The following GALK2 variants were observed in gnomAD, a reference collection of about 807,000 sequenced individuals.
The protein encoded by GALK2 is N-acetylgalactosamine kinase.
In GALK2, 36 loss-of-function variants were observed where a neutral mutation model predicts 52.4. The ratio of observed to expected loss-of-function variants is 0.69; its 90% CI spans 0.53 to 0.91. The LOEUF is 0.91. GALK2 is among the 40% of genes least tolerant of loss of function. The probability of loss-of-function intolerance (pLI) is 0.00; values close to 1 mark genes in which losing one functional copy is unlikely to be tolerated. For synonymous variants in GALK2, 176 were observed against 199.1 expected, an observed-to-expected ratio of 0.88 and a Z score of 0.98; for missense variants, 579 against 559.1, an observed-to-expected ratio of 1.04 and a Z score of -0.36.
chr15:49,210,793 C>T (rs1027827243), intron 2 of GALK2, among the ~76,000 whole-genome samples: 2 of 152,056 alleles, frequency 1.3e-5, no homozygotes, highest in Admixed American at 1.3e-4. Flanking sequence ...GTTGCCCAGG[C>T]TGGAGTGTAG....
rs747851240 is a variant in GALK2, at chr15:49,328,612, GTGATGA to G, written c.*466_*471del. 2.4e-5 allele frequency: 38 copies of G among 1,590,822 alleles called. No homozygotes were observed. The highest frequency in any genetic ancestry group is 2.1e-4 in the Admixed American group (12 of 56,920). ...AAGTTGTAGTTGTCTGTTGATGATG[GTGATGA>G]TGATGATGATGACGATAGTGATGCC... On this transcript the variant is annotated 3_prime_UTR_variant, in exon 10 of 10. Transcript: ENST00000560031.
At chr15:49,365,459 C>A in intron 3 of GALK2, 1 of 896,176 alleles carries the variant, frequency 1.1e-6, no homozygotes, top group Admixed American at 1.7e-5. Flanking sequence ...TCTCCAAAGC[C>A]CAATATTGAA....
intron 3 of GALK2, among the ~76,000 whole-genome samples, chr15:49,353,075 T>A (rs1004717852): frequency 2.0e-5 from 3 of 152,144 alleles, no homozygotes; most frequent in African/African-American, 7.2e-5. Context: ...CTATGGTGAG[T>A]TGATGAAATG....
At chr15:49,210,957 TCA>T (rs764698505) in intron 2 of GALK2, among the ~76,000 whole-genome samples, 3 of 112,810 alleles carry the variant, frequency 2.7e-5, no homozygotes, top group Admixed American at 1.0e-4. Flanking sequence ...ATGTTGGCTG[TCA>T]CACACACACA....
chr15:49,207,204 A>G (rs1184412241), intron 2 of GALK2, among the ~76,000 whole-genome samples: 1 of 152,176 alleles, frequency 6.6e-6, no homozygotes, highest in African/African-American at 2.4e-5. Context: ...ATCATGGTAG[A>G]TTAACTTTTT....
In GALK2 at chr15:49,328,177, G is replaced by C. The variant is rs760074206; in HGVS notation, c.*18G>C. 1 of 1,605,266 alleles carries C rather than the reference G, an allele frequency of 6.2e-7. No individual in the cohort carries two copies. Among genetic ancestry groups the C allele is most frequent in the South Asian group, 1.1e-5 (1 of 89,918 alleles). ...AGGCCTGAAAAAATGTAAAAAGTCT[G>C]AGAGAAACTACTTAGGGCACTTAGG... On this transcript the variant is annotated 3_prime_UTR_variant, in exon 10 of 10. Coordinates refer to ENST00000560031, the MANE Select transcript of GALK2 (RefSeq NM_002044.4).
chr15:49,262,819 A>G (rs1474269446), intron 5 of GALK2, among the ~76,000 whole-genome samples: 3 of 147,098 alleles, frequency 2.0e-5, no homozygotes, highest in Non-Finnish European at 3.0e-5. Flanking sequence ...CCTTCATTTC[A>G]TTATGTACCC....
At chr15:49,307,361 G>A (rs920704863) in intron 8 of GALK2, among the ~76,000 whole-genome samples, 11 of 152,134 alleles carry the variant, frequency 7.2e-5, no homozygotes, top group Admixed American at 2.0e-4. Flanking sequence ...GGAAAAATAC[G>A]CTAGATTTCG....
At chr15:49,353,213 T>C (rs6493364) in intron 3 of GALK2, among the ~76,000 whole-genome samples, 42,250 of 152,078 alleles carry the variant, frequency 0.28, 6,398 homozygotes, top group East Asian at 0.43. Context: ...ATCTGCTTAA[T>C]ATGAATGGAG....
At position 49,361,590 on chromosome 15, in the gene GALK2, T is replaced by C. The variant is rs142010637; in HGVS notation, c.427-5901T>C. On this transcript the variant is annotated intron_variant, in intron 3 of 3. Transcript: ENST00000558399. ...AAGGACATGATCTTGTTAGTTTTTA[T>C]GGCTGCACAGTATTCCCTGGTGTAT... Among the ~76,000 whole-genome samples, 1,220 of 152,318 alleles carry C rather than the reference T, an allele frequency of 8.0e-3. 15 individuals carry two copies. The highest frequency in any genetic ancestry group is 0.028 in the African/African-American group (1,172 of 41,566).
At chr15:49,262,982 CT>C (rs2141638699) in intron 5 of GALK2, among the ~76,000 whole-genome samples, 1 of 145,238 alleles carries the variant, frequency 6.9e-6, no homozygotes, top group African/African-American at 2.7e-5. Context: ...GAGAGCTTTA[CT>C]TCCAAGTATG....
intron 8 of GALK2, among the ~76,000 whole-genome samples, chr15:49,304,975 C>T (rs116446383): frequency 8.1e-4 from 123 of 152,278 alleles, no homozygotes; most frequent in African/African-American, 2.8e-3. Context: ...TTGCAGAGTT[C>T]ATGGTCTCTT....
intron 2 of GALK2, among the ~76,000 whole-genome samples, chr15:49,212,292 C>T (rs1447308194): frequency 6.6e-6 from 1 of 151,784 alleles, no homozygotes; most frequent in East Asian, 1.9e-4. Flanking sequence ...GGGGTTTCAC[C>T]CTGTTGGCCA....
At chr15:49,214,526 G>A (rs1346430874) in intron 2 of GALK2, among the ~76,000 whole-genome samples, 1 of 146,822 alleles carries the variant, frequency 6.8e-6, no homozygotes, top group Non-Finnish European at 1.5e-5. Flanking sequence ...ATTTTTAGTA[G>A]AGATGGGGTT....
At chr15:49,290,466 C>T (rs1689406029) in intron 7 of GALK2, among the ~76,000 whole-genome samples, 2 of 152,220 alleles carry the variant, frequency 1.3e-5, no homozygotes, top group African/African-American at 2.4e-5. Context: ...CCTCAATCTG[C>T]AGAAGAGCAC....
intron 8 of GALK2, among the ~76,000 whole-genome samples, chr15:49,304,856 A>G (rs1022896065): frequency 2.0e-5 from 3 of 152,222 alleles, no homozygotes; most frequent in Non-Finnish European, 2.9e-5. Context: ...AGACAGACAT[A>G]CTGTGATCTC....
At chr15:49,322,748 G>A (rs1412790864) in intron 9 of GALK2, among the ~76,000 whole-genome samples, 3 of 152,072 alleles carry the variant, frequency 2.0e-5, no homozygotes, top group Non-Finnish European at 4.4e-5. Context: ...ATGAGGTCAG[G>A]AGATCGAGAT....
intron 3 of GALK2, among the ~76,000 whole-genome samples, chr15:49,357,478 A>T (rs1454416372): frequency 1.3e-5 from 2 of 152,120 alleles, no homozygotes; most frequent in Non-Finnish European, 2.9e-5. Flanking sequence ...TAAACTAGAA[A>T]ATCTAGAAGA....
In GALK2 at chr15:49,319,814, G is replaced by A; in HGVS notation, c.1169+9G>A. 6.2e-7 allele frequency: 1 copy of A among 1,611,282 alleles called. No homozygotes were observed. The highest frequency in any genetic ancestry group is 8.5e-7 in the Non-Finnish European group (1 of 1,178,502). ...CTGGTGGACATCTGTCGGTGAGGCAGCCTGGTGGGGGCCAAGGGATGCCAT... is the reference window on the plus strand; with the variant it reads ...CTGGTGGACATCTGTCGGTGAGGCAACCTGGTGGGGGCCAAGGGATGCCAT... On this transcript the variant is annotated intron_variant, in intron 9 of 9. Transcript: ENST00000560031.
Sources: gnomAD v4.1 joint callset for allele counts (sites outside exome capture counted in the v4.1 genomes callset) on GRCh38, gnomAD v4.1.1 for gene constraint, MANE v1.5 for transcripts, NCBI Gene and HGNC (gene_info 2026-07-23, HGNC 2026-07-21) for gene names.